INTS7: variants seen among roughly 807,000 people sequenced by gnomAD.
The protein encoded by INTS7 is chromosome 1 open reading frame 73.
In INTS7, 46 loss-of-function variants were observed where a neutral mutation model predicts 109.2. The observed-to-expected ratio is 0.42, with a 90% CI of 0.33 to 0.54. The LOEUF is 0.54. Ranked by LOEUF, INTS7 falls within the 20% of genes least tolerant of loss-of-function variation. The pLI is 0.07. For synonymous variants in INTS7, 412 were observed against 402.9 expected (o/e 1.02, Z -0.27); for missense variants, 929 against 1,132.4 (o/e 0.82, Z 2.58).
intron 18 of INTS7, among the ~76,000 whole-genome samples, chr1:211,945,396 C>T (rs17018260): frequency 0.034 from 5,228 of 152,224 alleles, 301 homozygotes; most frequent in African/African-American, 0.12. Context: ...ATCTACACAA[C>T]GAAGTCACTG....
intron 4 of INTS7, among the ~76,000 whole-genome samples, chr1:212,016,112 A>C (rs2102483917): frequency 6.6e-6 from 1 of 152,300 alleles, no homozygotes. Context: ...CAATGGAAGA[A>C]ATTTAGGTTG....
chr1:211,978,536 T>C, intron 10 of INTS7, 25 bp from the exon 11 acceptor site: 2 of 1,612,924 alleles, frequency 1.2e-6, no homozygotes, highest in African/African-American at 2.7e-5. Context: ...GAAAATGAAC[T>C]AGTTACATTT....
intron 7 of INTS7, among the ~76,000 whole-genome samples, chr1:211,993,802 CACACTA>C (rs921104218): frequency 3.7e-4 from 55 of 150,084 alleles, no homozygotes; most frequent in African/African-American, 1.3e-3. Flanking sequence ...AAAATATAAA[CACACTA>C]AAAAATGTTT....
intron 4 of INTS7, among the ~76,000 whole-genome samples, chr1:212,015,514 TCG>T (rs1666386107): frequency 6.6e-6 from 1 of 151,690 alleles, no homozygotes; most frequent in South Asian, 2.1e-4. Context: ...GGCAGCATAC[TCG>T]TTAAGAGTCA....
At chr1:211,962,975 G>A (rs1663707075) in intron 16 of INTS7, among the ~76,000 whole-genome samples, 1 of 151,996 alleles carries the variant, frequency 6.6e-6, no homozygotes, top group African/African-American at 2.4e-5. Flanking sequence ...AGAGAATGAA[G>A]AGCAAATCAA....
chr1:211,993,123 A>C (rs567361446), intron 7 of INTS7, among the ~76,000 whole-genome samples: 40 of 152,360 alleles, frequency 2.6e-4, no homozygotes, highest in African/African-American at 9.1e-4. Flanking sequence ...AGTAAAGAAA[A>C]ATGTTATGTT....
At chr1:212,002,065 T>C (rs948625337) in intron 7 of INTS7, among the ~76,000 whole-genome samples, 6 of 152,224 alleles carry the variant, frequency 3.9e-5, no homozygotes, top group Non-Finnish European at 8.8e-5. Flanking sequence ...AGTAAACTCT[T>C]GATCTTCAAG....
intron 4 of INTS7, among the ~76,000 whole-genome samples, chr1:212,015,542 CTCAAGTACCCAGGGACACAA>C (rs1398706633): frequency 6.6e-6 from 1 of 151,698 alleles, no homozygotes; most frequent in African/African-American, 2.4e-5. Flanking sequence ...ACTCCCTAAT[CTCAAGTACCCAGGGACACAA>C]ACACTGAGGA....
chr1:212,022,462 CTT>C (rs1666750132), intron 1 of INTS7, among the ~76,000 whole-genome samples: 1 of 152,128 alleles, frequency 6.6e-6, no homozygotes, highest in South Asian at 2.1e-4. Flanking sequence ...TACAAACCAA[CTT>C]TTTAAATGGA....
At position 211,940,735 on chromosome 1, in the gene INTS7, C is replaced by A. The variant is rs1213316179; in HGVS notation, c.*1089G>T. The stretch of plus-strand genomic sequence containing the variant: ...CTGTGTAATAAAGAGACTGCTCTCT[C>A]TAAACAATCAGTCTAGCATAACTCA... On this transcript the variant is annotated 3_prime_UTR_variant, in exon 20 of 20. Transcript: ENST00000366994. 6.6e-6 allele frequency: 1 copy of A among 152,214 alleles called. No individual in the cohort carries two copies. Among genetic ancestry groups the A allele is most frequent in the Non-Finnish European group, 1.5e-5 (1 of 68,030 alleles). 9.4% of individuals were successfully genotyped at this position (152,214 alleles called of 1,614,324 possible).
At chr1:211,984,096 C>T (rs946606538) in intron 8 of INTS7, among the ~76,000 whole-genome samples, 1 of 152,028 alleles carries the variant, frequency 6.6e-6, no homozygotes, top group Non-Finnish European at 1.5e-5. Context: ...AAACTCTTGG[C>T]TTCAAAAGAT....
chr1:211,980,912 A>G (rs1476591340), intron 10 of INTS7, among the ~76,000 whole-genome samples, 181 bp downstream of exon 10: 1 of 152,188 alleles, frequency 6.6e-6, no homozygotes, highest in East Asian at 1.9e-4. Flanking sequence ...GGCTGCAGTC[A>G]TGTCATCAGT....
At position 212,016,907 on chromosome 1, in the gene INTS7, G is replaced by A. The variant is rs773543348; in HGVS notation, c.488C>T (p.Ala163Val). ...VEVEAAVFAA[A>V]NFSAQSKDFA... ...TTACTTTGACTGTGCAGAGAAGTTT[G>A]CAGCAGCAAAAACAGCAGCTTCAAC... Residue 163 changes from alanine (A) to valine (V), a missense_variant, in exon 4 of 20, where the codon GCA (alanine) becomes GTA (valine). Transcript: ENST00000366994. 13 of 1,607,228 alleles carry A rather than the reference G, an allele frequency of 8.1e-6. No homozygotes were observed. The highest frequency in any genetic ancestry group is 1.0e-5 in the Non-Finnish European group (12 of 1,177,632).
chr1:211,952,648 C>G lies in INTS7; in HGVS notation c.2237G>C (p.Arg746Thr), dbSNP rs1243724191. 2 of 1,612,648 alleles carry G rather than the reference C, an allele frequency of 1.2e-6. No homozygotes were observed. Among genetic ancestry groups the G allele is most frequent in the African/African-American group, 1.3e-5 (1 of 75,030 alleles). ...GTAHADSEYE[R>T]RMMSVYNHVL... ...ATGATTATATACAGACATCATTCTT[C>G]TTTCATATTCACTATCAGCATGGGC... The change falls in exon 17 of 20, where the codon AGA becomes ACA. Residue 746 changes from arginine (R) to threonine (T), a missense_variant. Arg to Thr is a moderately conservative substitution (Grantham distance 71). This residue lies in a region of INTS7 where 787 missense variants were observed against 901.1 expected (regional missense o/e 0.87). Coordinates refer to ENST00000366994, the MANE Select transcript of INTS7 (RefSeq NM_015434.4).
At chr1:211,948,131 A>G (rs1230210827) in intron 17 of INTS7, among the ~76,000 whole-genome samples, 1 of 152,224 alleles carries the variant, frequency 6.6e-6, no homozygotes, top group Admixed American at 6.5e-5. Flanking sequence ...GCTTTCAAGC[A>G]GAGTGTCACC....
At chr1:211,985,726 C>T (rs955418779) in intron 8 of INTS7, among the ~76,000 whole-genome samples, 1 of 152,178 alleles carries the variant, frequency 6.6e-6, no homozygotes, top group Non-Finnish European at 1.5e-5. Context: ...TTGGACATAC[C>T]GTCAAACCTT....
intron 7 of INTS7, among the ~76,000 whole-genome samples, chr1:211,996,614 GA>G (rs1665402532): frequency 6.6e-6 from 1 of 151,978 alleles, no homozygotes; most frequent in South Asian, 2.1e-4. Context: ...GGTCAAAGAA[GA>G]AATAAAAATT....
chr1:211,977,132 T>C (rs1321928293), intron 11 of INTS7, among the ~76,000 whole-genome samples: 1 of 152,188 alleles, frequency 6.6e-6, no homozygotes, highest in Non-Finnish European at 1.5e-5. Context: ...CTTAGGGATA[T>C]ACACTTTGGT....
intron 16 of INTS7, among the ~76,000 whole-genome samples, chr1:211,961,001 A>T (rs1041109705): frequency 6.6e-5 from 10 of 151,982 alleles, no homozygotes; most frequent in African/African-American, 2.4e-4. Flanking sequence ...GGCAACAGTG[A>T]GACTCTGTCT....
Sources: allele counts gnomAD v4.1 joint callset (sites outside exome capture counted in the v4.1 genomes callset), GRCh38; gene constraint gnomAD v4.1.1; regional missense constraint gnomAD v4.1.1; transcripts MANE v1.5; gene names NCBI Gene and HGNC (gene_info 2026-07-23, HGNC 2026-07-21).